Variants in OR51B5 observed in about 807,000 individuals in gnomAD.
OR51B5 encodes olfactory receptor family 51 subfamily B member 5, also known as olfactory receptor 51B5.
For missense variants in OR51B5, 456 were observed against 374.6 expected, an observed-to-expected ratio of 1.22 and a Z score of -1.79; for synonymous variants, 186 against 144.8, an observed-to-expected ratio of 1.28 and a Z score of -2.04.
intron 1 of OR51B5, among the ~76,000 whole-genome samples, chr11:5,407,981 TCA>T (rs1399104724): frequency 6.6e-6 from 1 of 152,146 alleles, no homozygotes; most frequent in African/African-American, 2.4e-5. Flanking sequence ...ATATTCACTT[TCA>T]GTCTATATTT....
chr11:5,389,563 T>G, intron 1 of OR51B5: 4 of 1,614,002 alleles, frequency 2.5e-6, no homozygotes, highest in Non-Finnish European at 3.4e-6. Flanking sequence ...CAGGCAATTG[T>G]TTCATTCTGA....
chr11:5,450,796 G>GC (rs1564817259), intron 1 of OR51B5, among the ~76,000 whole-genome samples: 1 of 152,110 alleles, frequency 6.6e-6, no homozygotes, highest in Non-Finnish European at 1.5e-5. Flanking sequence ...TTCAACTCCC[G>GC]CTTATGAGTG....
At chr11:5,428,502 C>T (rs1175834129) in intron 1 of OR51B5, among the ~76,000 whole-genome samples, 4 of 152,192 alleles carry the variant, frequency 2.6e-5, no homozygotes, top group African/African-American at 7.2e-5. Flanking sequence ...AAAAATGCGA[C>T]ATCTATGAGG....
intron 1 of OR51B5, among the ~76,000 whole-genome samples, chr11:5,369,196 A>G (rs1849415737): frequency 6.7e-6 from 1 of 148,364 alleles, no homozygotes; most frequent in Admixed American, 6.8e-5. Context: ...ATTCACACAT[A>G]TAACCTGAGT....
chr11:5,489,032 C>G (rs751643292), intron 1 of OR51B5: 3 of 1,614,064 alleles, frequency 1.9e-6, no homozygotes, highest in Non-Finnish European at 2.5e-6. Flanking sequence ...TGTGTCCATT[C>G]TATCTATGCT....
exon 1 of OR51B5, chr11:5,342,661 T>C: frequency 6.2e-7 from 1 of 1,613,866 alleles, no homozygotes; most frequent in Non-Finnish European, 8.5e-7. Context: ...CACTATATGT[T>C]ATAGGATTCA....
intron 1 of OR51B5, among the ~76,000 whole-genome samples, chr11:5,370,719 T>C (rs923344558): frequency 3.3e-5 from 5 of 152,202 alleles, no homozygotes; most frequent in Non-Finnish European, 7.4e-5. Context: ...CCTATGAAGC[T>C]TGTATTTTAA....
chr11:5,382,786 G>A (rs974758831), intron 1 of OR51B5, among the ~76,000 whole-genome samples: 2 of 152,088 alleles, frequency 1.3e-5, no homozygotes, highest in African/African-American at 2.4e-5. Context: ...TTACTTACCC[G>A]GTGTAAGGTG....
intron 1 of OR51B5, among the ~76,000 whole-genome samples, chr11:5,365,540 GT>G (rs1381733534): frequency 6.6e-6 from 1 of 152,106 alleles, no homozygotes; most frequent in East Asian, 1.9e-4. Context: ...CTACCTCGAA[GT>G]TTTTTCACAA....
At chr11:5,446,064 T>C (rs1031753588) in intron 1 of OR51B5, among the ~76,000 whole-genome samples, 1 of 151,844 alleles carries the variant, frequency 6.6e-6, no homozygotes, top group Non-Finnish European at 1.5e-5. Flanking sequence ...ATGAGAACAT[T>C]TGGACACAAG....
intron 1 of OR51B5, among the ~76,000 whole-genome samples, chr11:5,477,668 G>C (rs1168797931): frequency 6.6e-6 from 1 of 152,142 alleles, no homozygotes; most frequent in Non-Finnish European, 1.5e-5. Context: ...CCGTGCGCGA[G>C]CCGAAGCAGG....
intron 1 of OR51B5, among the ~76,000 whole-genome samples, chr11:5,429,204 AC>A (rs1166737639): frequency 2.0e-5 from 3 of 148,604 alleles, no homozygotes; most frequent in South Asian, 2.1e-4. Context: ...CCACCAAACT[AC>A]CCTTGAAAAA....
chr11:5,341,701 G>A (rs1489044387), downstream of OR51B5, among the ~76,000 whole-genome samples: 2 of 152,122 alleles, frequency 1.3e-5, no homozygotes, highest in African/African-American at 4.8e-5. Flanking sequence ...AAAAAATGCA[G>A]AAACCTATTT....
chr11:5,505,075 G>A (rs574162234), intron 1 of OR51B5, among the ~76,000 whole-genome samples: 10 of 152,298 alleles, frequency 6.6e-5, no homozygotes, highest in Non-Finnish European at 1.2e-4. Flanking sequence ...CCAGATGAAA[G>A]GCAGATAAAA....
At chr11:5,402,587 A>G (rs1316624926) in intron 1 of OR51B5, 3 of 465,946 alleles carry the variant, frequency 6.4e-6, no homozygotes, top group African/African-American at 2.0e-5. Context: ...CCTGAGGATG[A>G]TATGTCAACA....
chr11:5,442,872 TC>T (rs1850711880), intron 1 of OR51B5, among the ~76,000 whole-genome samples: 1 of 152,194 alleles, frequency 6.6e-6, no homozygotes, highest in Admixed American at 6.5e-5. Context: ...CACTTGATCT[TC>T]TTGCTACAGT....
At chr11:5,492,858 C>A (rs371452384) in intron 1 of OR51B5, among the ~76,000 whole-genome samples, 2 of 152,262 alleles carry the variant, frequency 1.3e-5, no homozygotes, top group South Asian at 4.1e-4. Context: ...TGATCTCGAA[C>A]TCCTGACCTC....
At chr11:5,390,290 A>G (rs766126483) in intron 1 of OR51B5, 10 of 1,613,754 alleles carry the variant, frequency 6.2e-6, no homozygotes, top group African/African-American at 1.3e-5. Flanking sequence ...TGTGCCTCCC[A>G]TGCTTAACCC....
intron 1 of OR51B5, among the ~76,000 whole-genome samples, chr11:5,415,216 T>G (rs1351682702): frequency 6.6e-6 from 1 of 151,224 alleles, no homozygotes; most frequent in African/African-American, 2.4e-5. Context: ...AAAGATTTTC[T>G]TTGAAACCAA....
Sources: allele counts gnomAD v4.1 joint callset (sites outside exome capture counted in the v4.1 genomes callset), GRCh38; gene constraint gnomAD v4.1.1; transcripts MANE v1.5; gene names NCBI Gene and HGNC (gene_info 2026-07-23, HGNC 2026-07-21).